Variants in DNAAF11 observed in about 807,000 individuals in gnomAD.
DNAAF11 encodes the protein dynein axonemal assembly factor 11.
Under a neutral mutation model 60.8 loss-of-function variants are expected in DNAAF11, and 45 were observed. That is an observed-to-expected ratio of 0.74 (90% CI 0.58 to 0.95). DNAAF11 has a LOEUF of 0.95. Among genes scored for constraint, DNAAF11 ranks in the 40% least tolerant of loss-of-function variants. The pLI, the probability that DNAAF11 is intolerant of heterozygous loss-of-function variation, is 0.00. For missense variants in DNAAF11, 546 were observed against 546.2 expected (o/e 1.00, Z 0.00); for synonymous variants, 191 against 183.5 (o/e 1.04, Z -0.33).
At chr8:132,612,277 G>A (rs1037635826) in intron 8 of DNAAF11, among the ~76,000 whole-genome samples, 6 of 152,148 alleles carry the variant, frequency 3.9e-5, no homozygotes, top group Admixed American at 2.0e-4. Context: ...TGTTAATAAA[G>A]CATCATTATA....
the DNAAF11 span, among the ~76,000 whole-genome samples, chr8:132,699,431 T>G: frequency 6.6e-6 from 1 of 152,070 alleles, no homozygotes; most frequent in African/African-American, 2.4e-5. Flanking sequence ...TAAGGTGGGA[T>G]TGAGGGTAAT....
chr8:132,654,777 A>C (rs1326886608), intron 3 of DNAAF11, among the ~76,000 whole-genome samples: 1 of 151,950 alleles, frequency 6.6e-6, no homozygotes, highest in Non-Finnish European at 1.5e-5. Context: ...GCAAAAAAGT[A>C]ATGCTCATAG....
chr8:132,665,812 C>T (rs1824569895), intron 1 of DNAAF11, among the ~76,000 whole-genome samples: 1 of 152,230 alleles, frequency 6.6e-6, no homozygotes, highest in Admixed American at 6.5e-5. Flanking sequence ...GCTACTGCAG[C>T]ACTATTCACA....
the DNAAF11 span, among the ~76,000 whole-genome samples, chr8:132,681,526 A>G: frequency 2.0e-5 from 3 of 152,126 alleles, no homozygotes; most frequent in African/African-American, 7.2e-5. Context: ...GATCTACTGC[A>G]TCCAACATAA....
chr8:132,658,547 T>A (rs1473585689), intron 2 of DNAAF11, among the ~76,000 whole-genome samples: 2 of 152,152 alleles, frequency 1.3e-5, no homozygotes, highest in Non-Finnish European at 2.9e-5. Flanking sequence ...GGTCTCGATC[T>A]CCTGACCTCG....
In DNAAF11 at chr8:132,651,298, A is replaced by AT. The variant is rs369657453; in HGVS notation, c.256+5531dup. 1.3e-3 allele frequency among the ~76,000 whole-genome samples: 198 copies of AT among 148,700 alleles called. 1 individual carries two copies. The highest frequency in any genetic ancestry group is 3.8e-3 in the African/African-American group (154 of 40,676). The stretch of plus-strand genomic sequence containing the variant: ...AAAGAAAAAAAAAAGGATACTAGCT[A>AT]TTTTTTTTTTGCCATCCAAGGAAAA... On this transcript the variant is annotated intron_variant, in intron 3 of 11. Coordinates refer to ENST00000620350, the MANE Select transcript of DNAAF11 (RefSeq NM_012472.6).
At chr8:132,676,626 A>G (rs1825769482), upstream of DNAAF11, among the ~76,000 whole-genome samples, 1 of 142,282 alleles carries the variant, frequency 7.0e-6, no homozygotes, top group East Asian at 1.9e-4. Flanking sequence ...ACAGCTGGCA[A>G]TTATTAGAGT....
chr8:132,608,243 G>T (rs913294342), intron 10 of DNAAF11, among the ~76,000 whole-genome samples: 3 of 151,842 alleles, frequency 2.0e-5, no homozygotes, highest in Non-Finnish European at 2.9e-5. Context: ...AGAAAACGAA[G>T]AACTTATACA....
intron 10 of DNAAF11, among the ~76,000 whole-genome samples, chr8:132,591,539 G>A (rs1816464321): frequency 6.6e-6 from 1 of 151,736 alleles, no homozygotes; most frequent in Non-Finnish European, 1.5e-5. Context: ...TTCTATTAGA[G>A]TTTTAATTGT....
intron 10 of DNAAF11, among the ~76,000 whole-genome samples, chr8:132,599,955 C>T (rs572854814): frequency 9.9e-5 from 15 of 151,186 alleles, no homozygotes; most frequent in East Asian, 1.9e-4. Flanking sequence ...ATAAAGGGTA[C>T]TCAATTAGGA....
At chr8:132,652,256 C>A (rs1167442801) in intron 3 of DNAAF11, among the ~76,000 whole-genome samples, 1 of 152,174 alleles carries the variant, frequency 6.6e-6, no homozygotes, top group Non-Finnish European at 1.5e-5. Context: ...CAGGCTGAGG[C>A]TGGATAGGCA....
intron 3 of DNAAF11, among the ~76,000 whole-genome samples, chr8:132,655,711 A>T (rs1036101682): frequency 1.3e-5 from 2 of 151,456 alleles, no homozygotes; most frequent in African/African-American, 4.9e-5. Flanking sequence ...AAGCACATAA[A>T]AAATGCTCAA....
At chr8:132,696,962 A>G in the DNAAF11 span, among the ~76,000 whole-genome samples, 2 of 152,154 alleles carry the variant, frequency 1.3e-5, no homozygotes, top group Non-Finnish European at 2.9e-5. Context: ...CCTGGACACA[A>G]AATAATCTGT....
intron 10 of DNAAF11, among the ~76,000 whole-genome samples, chr8:132,595,016 C>T (rs886309628): frequency 6.6e-6 from 1 of 152,094 alleles, no homozygotes; most frequent in Non-Finnish European, 1.5e-5. Flanking sequence ...CCACGGTCCA[C>T]GTTTGCTTCC....
At chr8:132,697,425 C>T in the DNAAF11 span, among the ~76,000 whole-genome samples, 1 of 152,204 alleles carries the variant, frequency 6.6e-6, no homozygotes, top group Non-Finnish European at 1.5e-5. Context: ...TGAGACCAGC[C>T]TAGCCAAGAT....
the DNAAF11 span, among the ~76,000 whole-genome samples, chr8:132,693,295 A>G: frequency 6.6e-6 from 1 of 152,246 alleles, no homozygotes; most frequent in Non-Finnish European, 1.5e-5. Flanking sequence ...GCATTTCACT[A>G]CTATTGTTTC....
the DNAAF11 span, among the ~76,000 whole-genome samples, chr8:132,689,983 T>C: frequency 3.9e-5 from 6 of 152,228 alleles, no homozygotes; most frequent in Admixed American, 6.5e-5. Context: ...CCCAAAGGGC[T>C]GGGATTACAG....
intron 10 of DNAAF11, among the ~76,000 whole-genome samples, chr8:132,596,008 C>T (rs373147416): frequency 3.3e-5 from 5 of 152,158 alleles, no homozygotes; most frequent in African/African-American, 1.2e-4. Context: ...TTGACTTGAA[C>T]AACTGTGTAT....
At chr8:132,575,002 T>C (rs1586443238) in intron 11 of DNAAF11, among the ~76,000 whole-genome samples, 1 of 152,192 alleles carries the variant, frequency 6.6e-6, no homozygotes, top group East Asian at 1.9e-4. Context: ...CAAACAGTTC[T>C]CTAGGTCAGC....
Sources: allele counts gnomAD v4.1 joint callset (sites outside exome capture counted in the v4.1 genomes callset), GRCh38; gene constraint gnomAD v4.1.1; transcripts MANE v1.5; gene names NCBI Gene and HGNC (gene_info 2026-07-23, HGNC 2026-07-21).